PDE7B: variants seen among roughly 807,000 people sequenced by gnomAD.
The protein encoded by PDE7B is phosphodiesterase 7B.
Under a neutral mutation model 56.2 loss-of-function variants are expected in PDE7B, and 29 were observed. The ratio of observed to expected loss-of-function variants is 0.52; its 90% CI spans 0.38 to 0.70. The LOEUF is 0.70. PDE7B is among the 30% of genes least tolerant of loss of function. The pLI, the probability that PDE7B is intolerant of heterozygous loss-of-function variation, is 0.00. For missense variants in PDE7B, 490 were observed against 565.0 expected (o/e 0.87, Z 1.35); for synonymous variants, 197 against 196.9 (o/e 1.00, Z 0.00).
chr6:136,175,328 T>C (rs909372876), intron 9 of PDE7B, among the ~76,000 whole-genome samples: 1 of 152,206 alleles, frequency 6.6e-6, no homozygotes, highest in African/African-American at 2.4e-5. Flanking sequence ...GTCATTTTTC[T>C]GATTTTAAAA....
At chr6:136,067,299 T>C (rs1337101448) in intron 2 of PDE7B, among the ~76,000 whole-genome samples, 9 of 152,188 alleles carry the variant, frequency 5.9e-5, no homozygotes. Context: ...AATTTACCCA[T>C]TTTTCTCCAA....
In PDE7B at chr6:136,096,879, G is replaced by C. The variant is rs376115322; in HGVS notation, c.83-11852G>C. 4.6e-5 allele frequency among the ~76,000 whole-genome samples: 7 copies of C among 151,972 alleles called. No individual in the cohort carries two copies. In the East Asian group the frequency reaches 1.2e-3, roughly 25 times the overall value. On this transcript the variant is annotated intron_variant, in intron 2 of 12. Transcript: ENST00000308191. ...TATGCTTCTCTCTCTCTCTCTCTGT[G>C]TCTCTCTCTCACTCACTCACTTCAG...
chr6:136,163,119 G>A (rs537298257), intron 8 of PDE7B, among the ~76,000 whole-genome samples: 155 of 152,360 alleles, frequency 1.0e-3, no homozygotes, highest in Admixed American at 3.1e-3. Context: ...GGGACTCTGT[G>A]TGGGAGCTCC....
chr6:136,054,488 T>G (rs1173748464), intron 2 of PDE7B, among the ~76,000 whole-genome samples: 2 of 152,240 alleles, frequency 1.3e-5, no homozygotes, highest in Non-Finnish European at 2.9e-5. Context: ...TCAGGTAGCA[T>G]GATGCCTCCA....
intron 2 of PDE7B, among the ~76,000 whole-genome samples, chr6:135,991,507 C>A (rs1379910655): frequency 6.6e-6 from 1 of 152,186 alleles, no homozygotes; most frequent in African/African-American, 2.4e-5. Context: ...CTCACATTCG[C>A]CAATACCAGC....
In PDE7B at chr6:136,147,388, G is replaced by C. The variant is rs1421217683; in HGVS notation, c.204G>C (p.Lys68Asn). Residue 68 changes from lysine to asparagine, a missense_variant, in exon 4 of 13, where the codon AAG (lysine) becomes AAC (asparagine). Physicochemically the swap from Lys to Asn is moderately conservative, Grantham distance 94. Transcript: ENST00000308191. ...TYSGEIGTKKKVKRLLSFQRY... is the reference protein window; with the variant it reads ...TYSGEIGTKKNVKRLLSFQRY... ...CAGGGGAGATTGGCACCAAGAAAAA[G>C]GTGAAAAGACTATTAAGCTTTCAAA... 6.2e-7 allele frequency: 1 copy of C among 1,613,070 alleles called. No individual in the cohort carries two copies. The highest frequency in any genetic ancestry group is 1.7e-5 in the Admixed American group (1 of 59,994).
intron 2 of PDE7B, among the ~76,000 whole-genome samples, chr6:135,949,723 T>G (rs1774663226): frequency 6.6e-6 from 1 of 151,930 alleles, no homozygotes; most frequent in East Asian, 1.9e-4. Context: ...GTTTGTTAGA[T>G]TTCCCTTTTT....
chr6:135,990,165 G>A (rs972439575), intron 2 of PDE7B, among the ~76,000 whole-genome samples: 5 of 148,684 alleles, frequency 3.4e-5, no homozygotes, highest in South Asian at 2.1e-4. Context: ...GCACCATCTC[G>A]GCTCACTGCA....
intron 2 of PDE7B, among the ~76,000 whole-genome samples, chr6:136,066,886 G>A (rs538004578): frequency 1.1e-3 from 161 of 142,516 alleles, no homozygotes; most frequent in Non-Finnish European, 2.0e-3. Flanking sequence ...AGGCCTCACT[G>A]TGTCACCCAG....
At chr6:136,117,214 G>T (rs961242802) in intron 3 of PDE7B, 1 of 152,022 alleles carries the variant, frequency 6.6e-6, no homozygotes, top group Non-Finnish European at 1.5e-5. Flanking sequence ...AGTAAATTAA[G>T]TTTTTTTTAC....
chr6:136,045,139 T>C (rs1166954165), intron 2 of PDE7B, among the ~76,000 whole-genome samples: 1 of 152,094 alleles, frequency 6.6e-6, no homozygotes, highest in Non-Finnish European at 1.5e-5. Context: ...TTTTCAGTAC[T>C]CTTGATAATA....
At chr6:136,066,200 C>A (rs1323292394) in intron 2 of PDE7B, among the ~76,000 whole-genome samples, 4 of 152,198 alleles carry the variant, frequency 2.6e-5, no homozygotes, top group African/African-American at 9.6e-5. Context: ...AAAGGCCTTG[C>A]CCATAATATT....
intron 3 of PDE7B, among the ~76,000 whole-genome samples, chr6:136,120,807 G>A (rs979812101): frequency 1.3e-5 from 2 of 152,066 alleles, no homozygotes; most frequent in Non-Finnish European, 2.9e-5. Context: ...GCATCACAGG[G>A]AAATTCCATC....
chr6:135,934,864 A>T (rs868539090), intron 1 of PDE7B, among the ~76,000 whole-genome samples: 153 of 94,818 alleles, frequency 1.6e-3, no homozygotes, highest in African/African-American at 5.4e-3. Flanking sequence ...AATATATATA[A>T]AAATATATAT....
At chr6:135,904,202 T>C (rs1776056066) in intron 1 of PDE7B, among the ~76,000 whole-genome samples, 2 of 152,212 alleles carry the variant, frequency 1.3e-5, no homozygotes, top group Non-Finnish European at 2.9e-5. Flanking sequence ...ACTAAATTAT[T>C]GCAAAGTGGG....
intron 2 of PDE7B, among the ~76,000 whole-genome samples, chr6:135,996,841 G>C (rs1775572654): frequency 6.6e-6 from 1 of 152,144 alleles, no homozygotes; most frequent in African/African-American, 2.4e-5. Flanking sequence ...CAAATATACT[G>C]TTTGGTATTT....
chr6:136,122,050 C>T (rs1447586927), intron 3 of PDE7B, among the ~76,000 whole-genome samples: 1 of 151,968 alleles, frequency 6.6e-6, no homozygotes, highest in Admixed American at 6.6e-5. Flanking sequence ...GGCTGGAGCG[C>T]AGTGGTGTGA....
intron 2 of PDE7B, among the ~76,000 whole-genome samples, chr6:135,959,555 ATAAT>A (rs1194519574): frequency 6.6e-6 from 1 of 152,176 alleles, no homozygotes; most frequent in East Asian, 1.9e-4. Context: ...GGGTTTGTTA[ATAAT>A]TAATTACACC....
intron 2 of PDE7B, chr6:136,038,308 A>G (rs9376173): frequency 4.6e-6 from 6 of 1,294,110 alleles, no homozygotes; most frequent in Non-Finnish European, 6.1e-6. Context: ...TGCTAGAGCG[A>G]TATTTCCACC....
Sources: gnomAD v4.1 joint callset for allele counts (sites outside exome capture counted in the v4.1 genomes callset) on GRCh38, gnomAD v4.1.1 for gene constraint, MANE v1.5 for transcripts, NCBI Gene and HGNC (gene_info 2026-07-23, HGNC 2026-07-21) for gene names.